RHBDD1: variants seen among roughly 807,000 people sequenced by gnomAD.
RHBDD1 encodes the protein rhomboid domain containing 1.
In RHBDD1, 38 loss-of-function variants were observed where a neutral mutation model predicts 36.3. That is an observed-to-expected ratio of 1.05 (90% CI 0.81 to 1.37). RHBDD1 has a LOEUF of 1.37. Among genes scored for constraint, RHBDD1 ranks in the 40% most tolerant of loss-of-function variants. RHBDD1 has a pLI of 0.00. For missense variants in RHBDD1, 393 were observed against 377.6 expected (o/e 1.04, Z -0.34); for synonymous variants, 151 against 136.5 (o/e 1.11, Z -0.74).
chr2:226,961,467 A>G (rs1346595276), intron 8 of RHBDD1, among the ~76,000 whole-genome samples: 2 of 152,232 alleles, frequency 1.3e-5, no homozygotes, highest in African/African-American at 2.4e-5. Context: ...AAAGATAATA[A>G]TGGTAATGAA....
rs550082615 is a variant in RHBDD1, at chr2:226,940,200, G to T, written c.856+25849G>T. Among the ~76,000 whole-genome samples, 3 of 152,198 alleles carry T rather than the reference G, an allele frequency of 2.0e-5. No homozygotes were observed. The South Asian group carries it at 6.2e-4, about 32-fold the overall frequency. ...TAGGCAATTGTTGGGATTCGATCAGGCTGGTGCAATACCTCAGGCAGTACC... is the reference window on the plus strand; with the variant it reads ...TAGGCAATTGTTGGGATTCGATCAGTCTGGTGCAATACCTCAGGCAGTACC... On this transcript the variant is annotated intron_variant, in intron 8 of 8. Coordinates refer to ENST00000392062, the MANE Select transcript of RHBDD1 (RefSeq NM_001167608.3).
intron 8 of RHBDD1, among the ~76,000 whole-genome samples, chr2:226,983,957 T>C (rs1956357125): frequency 6.6e-6 from 1 of 152,180 alleles, no homozygotes; most frequent in African/African-American, 2.4e-5. Flanking sequence ...GGGGATCTTG[T>C]TATTTGTGAA....
chr2:226,948,257 G>C (rs1951135475), intron 8 of RHBDD1, among the ~76,000 whole-genome samples: 2 of 148,228 alleles, frequency 1.3e-5, no homozygotes, highest in East Asian at 3.9e-4. Flanking sequence ...ATGAGTTCAT[G>C]TCCTTTGTAG....
At chr2:226,943,707 A>G (rs538244051) in intron 8 of RHBDD1, among the ~76,000 whole-genome samples, 10 of 152,300 alleles carry the variant, frequency 6.6e-5, no homozygotes, top group Non-Finnish European at 1.3e-4. Flanking sequence ...CAAGTAATTT[A>G]CTATTGTCTA....
At chr2:226,855,732 T>G (rs1031945188) in intron 3 of RHBDD1, among the ~76,000 whole-genome samples, 1 of 152,196 alleles carries the variant, frequency 6.6e-6, no homozygotes, top group Non-Finnish European at 1.5e-5. Flanking sequence ...ACAGTCTAAG[T>G]TGTAGATATT....
At chr2:226,829,419 T>G in the RHBDD1 span, among the ~76,000 whole-genome samples, 1 of 152,154 alleles carries the variant, frequency 6.6e-6, no homozygotes, top group Non-Finnish European at 1.5e-5. Context: ...CTGCTGAAAT[T>G]TTGAGGGATT....
intron 5 of RHBDD1, among the ~76,000 whole-genome samples, chr2:226,874,464 C>T (rs1367714804): frequency 6.6e-6 from 1 of 152,100 alleles, no homozygotes; most frequent in Admixed American, 6.5e-5. Flanking sequence ...GGTGGAGTTC[C>T]CTCTAGACTC....
chr2:226,878,339 C>A (rs1436001558), intron 5 of RHBDD1, among the ~76,000 whole-genome samples: 1 of 152,198 alleles, frequency 6.6e-6, no homozygotes, highest in Non-Finnish European at 1.5e-5. Context: ...TAGAAGATAA[C>A]TGTAACAATA....
intron 8 of RHBDD1, among the ~76,000 whole-genome samples, chr2:226,955,296 C>T (rs1025044886): frequency 2.6e-5 from 4 of 152,186 alleles, no homozygotes; most frequent in African/African-American, 9.7e-5. Flanking sequence ...CCTGGAACCA[C>T]GTAAGGTAGC....
rs995148381 is a variant in RHBDD1, at chr2:226,996,575, A to C, written c.*1053A>C. On this transcript the variant is annotated 3_prime_UTR_variant, in exon 9 of 9. Coordinates refer to ENST00000392062, the MANE Select transcript of RHBDD1 (RefSeq NM_001167608.3). ...TCAACAGAGATATTTTAAAAGAGAGAAGCAGGAAAAGATCTTCCTTTTTTG... is the reference window on the plus strand; with the variant it reads ...TCAACAGAGATATTTTAAAAGAGAGCAGCAGGAAAAGATCTTCCTTTTTTG... 2.0e-5 allele frequency: 3 copies of C among 152,180 alleles called. No individual in the cohort carries two copies. Among genetic ancestry groups the C allele is most frequent in the Non-Finnish European group, 4.4e-5 (3 of 68,038 alleles). 9.4% of individuals were successfully genotyped at this position (152,180 alleles called of 1,614,324 possible).
chr2:226,944,623 G>C (rs772730119), intron 8 of RHBDD1, among the ~76,000 whole-genome samples: 2 of 152,172 alleles, frequency 1.3e-5, no homozygotes, highest in Non-Finnish European at 2.9e-5. Context: ...ACAGAAAAGA[G>C]AGGTATACAA....
intron 8 of RHBDD1, among the ~76,000 whole-genome samples, chr2:226,974,807 G>A (rs1360398194): frequency 2.0e-5 from 3 of 152,210 alleles, no homozygotes; most frequent in African/African-American, 7.2e-5. Flanking sequence ...GAACCATACA[G>A]TGCTCACGGT....
chr2:226,936,338 T>A (rs1010670079), intron 8 of RHBDD1, among the ~76,000 whole-genome samples: 2 of 152,282 alleles, frequency 1.3e-5, no homozygotes, highest in South Asian at 4.1e-4. Flanking sequence ...TGTACTTATA[T>A]CTACCTATAC....
chr2:226,913,763 A>T (rs1948694254), intron 7 of RHBDD1, among the ~76,000 whole-genome samples: 1 of 152,168 alleles, frequency 6.6e-6, no homozygotes, highest in Non-Finnish European at 1.5e-5. Flanking sequence ...ATTCTGTGGG[A>T]TCTGTATGAA....
chr2:226,810,380 A>C, the RHBDD1 span, among the ~76,000 whole-genome samples: 1 of 151,798 alleles, frequency 6.6e-6, no homozygotes, highest in African/African-American at 2.4e-5. Context: ...TCTCTACTAA[A>C]AATATAAAAA....
At chr2:226,823,741 A>G in the RHBDD1 span, among the ~76,000 whole-genome samples, 3 of 152,210 alleles carry the variant, frequency 2.0e-5, no homozygotes, top group African/African-American at 7.2e-5. Flanking sequence ...TTTATAATGA[A>G]CTGACATTTA....
At chr2:226,895,540 T>C (rs949136503) in intron 5 of RHBDD1, 3 of 302,326 alleles carry the variant, frequency 9.9e-6, no homozygotes, top group African/African-American at 6.8e-5. Flanking sequence ...CCTCACAGAA[T>C]CTCACTGACT....
chr2:226,906,486 C>T (rs553833630), intron 5 of RHBDD1, among the ~76,000 whole-genome samples: 8 of 152,204 alleles, frequency 5.3e-5, no homozygotes, highest in South Asian at 2.1e-4. Flanking sequence ...AGAAAAAAAA[C>T]GGAAAGCGAT....
Position 226,869,717 on chromosome 2 carries a change from C to T in RHBDD1, c.566+2399C>T, listed in dbSNP as rs79371157. On this transcript the variant is annotated intron_variant, in intron 5 of 8. Coordinates refer to ENST00000392062, the MANE Select transcript of RHBDD1 (RefSeq NM_001167608.3). ...ATGTGGACTTGATGCCAGAGTGAAG[C>T]AATCTCCCTCATTCACGTGGTGCTT... 7.0e-4 allele frequency among the ~76,000 whole-genome samples: 106 copies of T among 152,328 alleles called. 4 individuals are homozygous for T. In the East Asian group the frequency reaches 0.02, roughly 29 times the overall value.
Sources: gnomAD v4.1 joint callset for allele counts (sites outside exome capture counted in the v4.1 genomes callset) on GRCh38, gnomAD v4.1.1 for gene constraint, MANE v1.5 for transcripts, NCBI Gene and HGNC (gene_info 2026-07-23, HGNC 2026-07-21) for gene names.